The following TMEM236 variants were observed in gnomAD, a reference collection of about 807,000 sequenced individuals.
The protein encoded by TMEM236 is family with sequence similarity 23, member A.
A neutral mutation model predicts 14.7 loss-of-function variants in TMEM236; 11 were observed. The ratio of observed to expected loss-of-function variants is 0.75; its 90% confidence interval spans 0.47 to 1.24. TMEM236 has a LOEUF of 1.24. TMEM236 is among the 50% of genes most tolerant of loss of function. TMEM236 has a pLI of 0.00. For missense variants in TMEM236, 464 were observed against 427.3 expected (o/e 1.09, Z -0.76); for synonymous variants, 182 against 168.6 (o/e 1.08, Z -0.62).
intron 2 of TMEM236, among the ~76,000 whole-genome samples, chr10:17,773,784 G>C (rs1233989371): frequency 1.3e-5 from 2 of 151,890 alleles, no homozygotes; most frequent in Non-Finnish European, 2.9e-5. Flanking sequence ...TTTTAAAAAC[G>C]TATTTGGAAG....
At chr10:17,773,178 G>A (rs1326472656) in intron 2 of TMEM236, among the ~76,000 whole-genome samples, 1 of 152,266 alleles carries the variant, frequency 6.6e-6, no homozygotes, top group East Asian at 1.9e-4. Flanking sequence ...ATTTCTGTTG[G>A]TTATGTATGC....
At chr10:17,756,068 A>T (rs1161472568) in intron 1 of TMEM236, among the ~76,000 whole-genome samples, 1 of 152,146 alleles carries the variant, frequency 6.6e-6, no homozygotes, top group Non-Finnish European at 1.5e-5. Context: ...AGAGTTAGAG[A>T]TCAGCCTGGG....
rs1394639998 is a variant in TMEM236, at chr10:17,752,223, T to C, written c.-73T>C. ...GACAAGGAACTTGATCCCAGTTCAGTGTCTGTGGGTCCATATGCTGCCCAC... is the reference window on the plus strand; with the variant it reads ...GACAAGGAACTTGATCCCAGTTCAGCGTCTGTGGGTCCATATGCTGCCCAC... On this transcript the variant is annotated 5_prime_UTR_variant, in exon 1 of 4. Coordinates refer to ENST00000377495, the MANE Select transcript of TMEM236 (RefSeq NM_001098844.3). The C allele has an allele frequency of 5.6e-6, 9 of 1,612,910 alleles. No homozygotes were observed. Among genetic ancestry groups the C allele is most frequent in the Admixed American group, 5.0e-5 (3 of 59,930 alleles).
intron 3 of TMEM236, among the ~76,000 whole-genome samples, chr10:17,789,157 C>T (rs1218082912): frequency 6.6e-6 from 1 of 152,130 alleles, no homozygotes; most frequent in Non-Finnish European, 1.5e-5. Context: ...GCTGCCTTCA[C>T]CTGTGTAGGT....
chr10:17,773,424 G>A (rs1224645150), intron 2 of TMEM236, among the ~76,000 whole-genome samples: 1 of 151,942 alleles, frequency 6.6e-6, no homozygotes, highest in African/African-American at 2.4e-5. Context: ...TGCAAGCTCC[G>A]CCTCCCAGGT....
intron 1 of TMEM236, among the ~76,000 whole-genome samples, chr10:17,768,814 C>T (rs999854309): frequency 0.1 from 15,200 of 150,376 alleles, 856 homozygotes; most frequent in Non-Finnish European, 0.13. Context: ...AAGAGAGAAA[C>T]CATATCATGT....
At chr10:17,762,922 G>A (rs2436693) in intron 1 of TMEM236, among the ~76,000 whole-genome samples, 14,841 of 149,452 alleles carry the variant, frequency 0.099, 829 homozygotes, top group Non-Finnish European at 0.13. Context: ...CAAAGTGCTT[G>A]GATTATAGAC....
intron 1 of TMEM236, among the ~76,000 whole-genome samples, chr10:17,755,738 A>G (rs1203642478): frequency 6.6e-6 from 1 of 152,154 alleles, no homozygotes; most frequent in African/African-American, 2.4e-5. Context: ...GACAACAGGA[A>G]TAAACCAATG....
chr10:17,755,313 G>A (rs1328285762), intron 1 of TMEM236, among the ~76,000 whole-genome samples: 3 of 152,090 alleles, frequency 2.0e-5, no homozygotes, highest in African/African-American at 7.2e-5. Flanking sequence ...CTGGGAATTT[G>A]CACATCCACG....
At chr10:17,768,610 G>C (rs955365636) in intron 1 of TMEM236, among the ~76,000 whole-genome samples, 42 of 152,144 alleles carry the variant, frequency 2.8e-4, no homozygotes, top group Non-Finnish European at 3.2e-4. Flanking sequence ...AAACAAGTCA[G>C]ATACGGTCCG....
intron 1 of TMEM236, among the ~76,000 whole-genome samples, chr10:17,766,663 A>G (rs1554834349): frequency 6.6e-6 from 1 of 152,188 alleles, no homozygotes; most frequent in Admixed American, 6.5e-5. Flanking sequence ...AGCATTCCAC[A>G]TTGCAGTCGC....
intron 3 of TMEM236, among the ~76,000 whole-genome samples, chr10:17,776,901 C>G (rs997801723): frequency 6.6e-6 from 1 of 152,144 alleles, no homozygotes; most frequent in Non-Finnish European, 1.5e-5. Flanking sequence ...TTTATTTAGT[C>G]GTAAATTACT....
Position 17,776,129 on chromosome 10 carries a change from T to C in TMEM236, c.431T>C (p.Ile144Thr). 1.2e-6 allele frequency: 2 copies of C among 1,613,782 alleles called. No individual in the cohort carries two copies. Among genetic ancestry groups the C allele is most frequent in the Middle Eastern group, 1.7e-4 (1 of 6,054 alleles). Reference sequence around the variant, plus strand: ...TTATCCCTGATCATGGTTGATATTATTGAAAAACTCAGGATATATCCTCTT... The same window carrying C: ...TTATCCCTGATCATGGTTGATATTACTGAAAAACTCAGGATATATCCTCTT... ...VLLSLIMVDI[I>T]EKLRIYPLRG... The change falls in exon 3 of 4, where the codon ATT (isoleucine) becomes ACT (threonine). Residue 144 changes from isoleucine (I) to threonine (T), a missense_variant. By Grantham distance (89) the Ile-to-Thr change is moderately conservative (BLOSUM62 -1). Coordinates refer to ENST00000377495, the MANE Select transcript of TMEM236 (RefSeq NM_001098844.3).
chr10:17,764,400 C>T (rs1048241263), intron 1 of TMEM236, among the ~76,000 whole-genome samples: 8 of 152,308 alleles, frequency 5.3e-5, no homozygotes, highest in African/African-American at 1.2e-4. Context: ...ACCATGCCCA[C>T]GTATCCTTTT....
At chr10:17,782,485 C>G (rs981476218) in intron 3 of TMEM236, among the ~76,000 whole-genome samples, 1 of 152,052 alleles carries the variant, frequency 6.6e-6, no homozygotes, top group Non-Finnish European at 1.5e-5. Flanking sequence ...GACAGTCTCA[C>G]TCTGTTGCTC....
chr10:17,759,364 G>C (rs1290314600), intron 1 of TMEM236, among the ~76,000 whole-genome samples: 4 of 152,182 alleles, frequency 2.6e-5, no homozygotes, highest in African/African-American at 9.7e-5. Context: ...GGGACCTAGA[G>C]CTATATTTTG....
chr10:17,798,390 T>C lies in TMEM236; in HGVS notation c.*1886T>C, dbSNP rs1838048790. The C allele has an allele frequency of 2.5e-5, 9 of 361,180 alleles. No individual in the cohort carries two copies. Among genetic ancestry groups the C allele is most frequent in the South Asian group, 1.5e-4 (7 of 46,960 alleles). 22.4% of individuals were successfully genotyped at this position (361,180 alleles called of 1,614,324 possible). On this transcript the variant is annotated 3_prime_UTR_variant, in exon 4 of 4. Coordinates refer to ENST00000377495, the MANE Select transcript of TMEM236 (RefSeq NM_001098844.3). ...TCTACCTCTACAAAAAATACAAAAA[T>C]TAGCTGGGCATGGTGATCTGCAACT...
At chr10:17,771,511 C>T in intron 2 of TMEM236, 130 bp downstream of exon 2, 1 of 888,946 alleles carries the variant, frequency 1.1e-6, no homozygotes, top group Non-Finnish European at 1.8e-6. Flanking sequence ...TTCCAGGTTG[C>T]AATATATGTT....
In TMEM236 at chr10:17,752,486, T is replaced by A. The variant is rs1479208259; in HGVS notation, c.191T>A (p.Leu64Gln). 2 of 1,613,858 alleles carry A rather than the reference T, an allele frequency of 1.2e-6. No individual in the cohort carries two copies. The highest frequency in any genetic ancestry group is 2.7e-5 in the African/African-American group (2 of 74,916). ...GCCTATGTTGCGTTAGTGACTCTAC[T>A]GATCTGGGTTCCTGTAAAAGTTATC... ...SIAYVALVTL[L>Q]IWVPVKVILH... Residue 64 changes from leucine (L) to glutamine (Q), a missense_variant, in exon 1 of 4, where the codon CTG (leucine) becomes CAG (glutamine). Physicochemically the swap from Leu to Gln is moderately radical, Grantham distance 113. Coordinates refer to ENST00000377495, the MANE Select transcript of TMEM236 (RefSeq NM_001098844.3).
Sources: allele counts gnomAD v4.1 joint callset (sites outside exome capture counted in the v4.1 genomes callset), GRCh38; gene constraint gnomAD v4.1.1; transcripts MANE v1.5; gene names NCBI Gene and HGNC (gene_info 2026-07-23, HGNC 2026-07-21).